The following TULP3 variants were observed in gnomAD, a reference collection of about 807,000 sequenced individuals.
The protein encoded by TULP3 is tubby-related protein 3.
TULP3 carries 38 observed loss-of-function variants against 50.7 expected under a neutral mutation model. That is an observed-to-expected ratio of 0.75 (90% CI 0.58 to 0.98). The LOEUF (loss-of-function observed/expected upper bound fraction) is 0.98. Among genes scored for constraint, TULP3 ranks in the 50% least tolerant of loss-of-function variants. The pLI is 0.00. For synonymous variants in TULP3, 183 were observed against 196.6 expected (o/e 0.93, Z 0.58); for missense variants, 550 against 568.0 (o/e 0.97, Z 0.32).
At chr12:2,897,794 C>G (rs1313982051) in intron 1 of TULP3, among the ~76,000 whole-genome samples, 1 of 94,068 alleles carries the variant, frequency 1.1e-5, no homozygotes, top group Non-Finnish European at 2.2e-5. Context: ...AAAAAAAATT[C>G]TAGGCCCAGT....
chr12:2,920,689 A>C (rs1591531861), intron 2 of TULP3, 74 bp from the exon 3 acceptor site: 1 of 1,555,098 alleles, frequency 6.4e-7, no homozygotes, highest in East Asian at 2.3e-5. Flanking sequence ...AGTGAAAAAC[A>C]AACTGGGCAT....
chr12:2,936,422 G>C (rs1378034024), intron 8 of TULP3, among the ~76,000 whole-genome samples: 2 of 151,674 alleles, frequency 1.3e-5, no homozygotes, highest in African/African-American at 4.8e-5. Flanking sequence ...AAGTTGAACA[G>C]TTTGTTCACA....
chr12:2,917,809 G>A lies in TULP3; in HGVS notation c.94-2954G>A, dbSNP rs539320295. Among the ~76,000 whole-genome samples, 44 of 147,014 alleles carry A rather than the reference G, an allele frequency of 3.0e-4. No individual in the cohort carries two copies. The East Asian group carries it at 7.7e-3, about 26-fold the overall frequency. ...GGAGAATGGCGTGAACCCGGGAGGC[G>A]GAGCTTGCAGTGAGCCGAGATCGCG... On this transcript the variant is annotated intron_variant, in intron 2 of 10. Transcript: ENST00000448120.
chr12:2,936,680 C>T (rs921396218), intron 8 of TULP3, among the ~76,000 whole-genome samples: 7 of 151,324 alleles, frequency 4.6e-5, no homozygotes, highest in African/African-American at 1.7e-4. Flanking sequence ...ACCCGGGAGG[C>T]GGAGGTTGTG....
At chr12:2,936,553 C>T (rs2098201380) in intron 8 of TULP3, among the ~76,000 whole-genome samples, 1 of 149,706 alleles carries the variant, frequency 6.7e-6, no homozygotes, top group Non-Finnish European at 1.5e-5. Context: ...GAATTCGAGA[C>T]CAACATGGAG....
rs2098202377 is a variant in TULP3, at chr12:2,937,867, A to G, written c.1023+138A>G. 7.9e-6 allele frequency: 7 copies of G among 883,670 alleles called. No individual in the cohort carries two copies. In the South Asian group the frequency reaches 1.3e-4, roughly 17 times the overall value. The allele number at this position is 883,670 out of a possible 1,614,324, so 54.7% of individuals were successfully genotyped here. ...AGATAGCTCCATACACTTCTTTAGGAAAGCTGCCCCTCCAAAACCTCAGGA... is the reference window on the plus strand; with the variant it reads ...AGATAGCTCCATACACTTCTTTAGGGAAGCTGCCCCTCCAAAACCTCAGGA... On this transcript the variant is annotated intron_variant, in intron 9 of 10. Coordinates refer to ENST00000448120, the MANE Select transcript of TULP3 (RefSeq NM_003324.5).
intron 10 of TULP3, 140 bp downstream of exon 10, chr12:2,938,425 A>T: frequency 1.9e-6 from 2 of 1,037,194 alleles, no homozygotes; most frequent in South Asian, 3.4e-5. Flanking sequence ...TGGAAAGATG[A>T]AACTACAGTT....
chr12:2,919,141 C>T (rs1372316733), intron 2 of TULP3, among the ~76,000 whole-genome samples: 1 of 152,192 alleles, frequency 6.6e-6, no homozygotes, highest in African/African-American at 2.4e-5. Context: ...ATCCACCTGA[C>T]TCTGCCTCCC....
Position 2,920,797 on chromosome 12 carries a change from G to T in TULP3, c.128G>T (p.Arg43Leu), listed in dbSNP as rs529548720. ...CTTGAGAAGAGGCAAAGGAAAAAGC[G>T]CCTTGAGCCATTTATGGTGCAGCCC... ...LLLEKRQRKK[R>L]LEPFMVQPNP... Residue 43 changes from arginine to leucine, a missense_variant, in exon 3 of 11, where the codon CGC becomes CTC. Coordinates refer to ENST00000448120, the MANE Select transcript of TULP3 (RefSeq NM_003324.5). 6.2e-7 allele frequency: 1 copy of T among 1,614,080 alleles called. No individual in the cohort carries two copies.
Position 2,922,241 on chromosome 12 carries a change from TCA to T in TULP3, c.254-20_254-19del. 3 of 1,603,088 alleles carry T rather than the reference TCA, an allele frequency of 1.9e-6. No individual in the cohort carries two copies. The highest frequency in any genetic ancestry group is 1.3e-5 in the African/African-American group (1 of 74,300). On this transcript the variant is annotated intron_variant, in intron 3 of 10. Transcript: ENST00000448120. ...TAATACTTTGCTCCTTTTTTAAAAT[TCA>T]TTTTATTTTGGCCCTTAGGTATTGA... is the stretch of plus-strand genomic sequence containing the variant.
intron 1 of TULP3, among the ~76,000 whole-genome samples, chr12:2,891,875 G>A (rs989440934): frequency 6.6e-6 from 1 of 151,932 alleles, no homozygotes; most frequent in African/African-American, 2.4e-5. Flanking sequence ...ACAAGATAGC[G>A]AGACCCCCAT....
At chr12:2,932,947 T>A (rs568006445) in intron 6 of TULP3, among the ~76,000 whole-genome samples, 87 of 151,770 alleles carry the variant, frequency 5.7e-4, no homozygotes, top group East Asian at 5.4e-3. Flanking sequence ...ATTTTTATTT[T>A]TTATTTTTTT....
chr12:2,920,340 T>C (rs560877465), intron 2 of TULP3, among the ~76,000 whole-genome samples: 1 of 152,186 alleles, frequency 6.6e-6, no homozygotes, highest in African/African-American at 2.4e-5. Context: ...GGAAACCCTG[T>C]CTCTACAAAA....
At chr12:2,927,269 G>C (rs1041015971) in intron 4 of TULP3, among the ~76,000 whole-genome samples, 1 of 151,672 alleles carries the variant, frequency 6.6e-6, no homozygotes, top group Non-Finnish European at 1.5e-5. Context: ...TTGATCAGCT[G>C]ATGGACGTTT....
chr12:2,924,272 CG>C (rs1383197310), intron 4 of TULP3, among the ~76,000 whole-genome samples: 1 of 151,908 alleles, frequency 6.6e-6, no homozygotes, highest in Admixed American at 6.6e-5. Context: ...CAGCTCAGGG[CG>C]TGTGGTCATA....
At chr12:2,914,626 C>T (rs1473421972) in intron 2 of TULP3, among the ~76,000 whole-genome samples, 1 of 152,110 alleles carries the variant, frequency 6.6e-6, no homozygotes. Context: ...TTACCAGTTT[C>T]ACTAGGATAC....
chr12:2,940,706 C>T lies in TULP3; in HGVS notation c.*1262C>T, dbSNP rs768288169. ...CTCACCTCCGCCTGTTGTTCCTGCA[C>T]CACATCAGATAAGCATGTGAAGGAG... On this transcript the variant is annotated 3_prime_UTR_variant, in exon 11 of 11. Coordinates refer to ENST00000448120, the MANE Select transcript of TULP3 (RefSeq NM_003324.5). The T allele has an allele frequency of 2.2e-5, 34 of 1,550,834 alleles. 2 individuals are homozygous for T. In the South Asian group the frequency reaches 3.7e-4, roughly 17 times the overall value.
At chr12:2,900,862 A>G in intron 1 of TULP3, among the ~76,000 whole-genome samples, 1 of 148,062 alleles carries the variant, frequency 6.8e-6, no homozygotes, top group Non-Finnish European at 1.5e-5. Context: ...GGCATGCGCA[A>G]CCAAGCCGAA....
intron 4 of TULP3, among the ~76,000 whole-genome samples, chr12:2,929,254 T>C (rs2098196462): frequency 6.6e-6 from 1 of 151,872 alleles, no homozygotes; most frequent in Non-Finnish European, 1.5e-5. Flanking sequence ...GAGGCGGAGC[T>C]TGCAGTGAGT....
Sources: gnomAD v4.1 joint callset for allele counts (sites outside exome capture counted in the v4.1 genomes callset) on GRCh38, gnomAD v4.1.1 for gene constraint, MANE v1.5 for transcripts, NCBI Gene and HGNC (gene_info 2026-07-23, HGNC 2026-07-21) for gene names.